OSBPL2: variants seen among roughly 807,000 people sequenced by gnomAD.
OSBPL2 encodes oxysterol-binding protein-related protein 2.
A neutral mutation model predicts 58.4 loss-of-function variants in OSBPL2; 18 were observed. That is an observed-to-expected ratio of 0.31 (90% CI 0.21 to 0.46). The LOEUF is 0.46. OSBPL2 is among the 20% of genes least tolerant of loss of function. The pLI, the probability that OSBPL2 is intolerant of heterozygous loss-of-function variation, is 1.00. For synonymous variants in OSBPL2, 221 were observed against 234.1 expected, an observed-to-expected ratio of 0.94 and a Z score of 0.51; for missense variants, 461 against 616.5, an observed-to-expected ratio of 0.75 and a Z score of 2.67.
In OSBPL2 at chr20:62,265,179, T is replaced by C. The variant is rs183950364; in HGVS notation, c.258+1488T>C. On this transcript the variant is annotated intron_variant, in intron 4 of 13. Coordinates refer to ENST00000313733, the MANE Select transcript of OSBPL2 (RefSeq NM_144498.4). ...TTCCATTCTCGTTCGTTCTTCTACC[T>C]TTATTAATTGGAATTGTTCTGTAAA... Among the ~76,000 whole-genome samples the C allele has an allele frequency of 3.3e-5, 5 of 152,306 alleles. No individual in the cohort carries two copies. The East Asian group carries it at 9.6e-4, about 29-fold the overall frequency.
chr20:62,291,377 C>T lies in OSBPL2; in HGVS notation c.1250-326C>T, dbSNP rs1049553539. On this transcript the variant is annotated intron_variant, in intron 12 of 13. Transcript: ENST00000313733. ...TGGCTCCCCGTCCTGAGCGCCTGCT[C>T]GCACACCAGGGCATTGGGTGGTGCC... 1.2e-4 allele frequency: 46 copies of T among 388,504 alleles called. 1 individual carries two copies. Among genetic ancestry groups the T allele is most frequent in the South Asian group, 7.1e-4 (34 of 47,854 alleles). 24.1% of individuals were successfully genotyped at this position (388,504 alleles called of 1,614,324 possible).
At chr20:62,275,292 CAT>C (rs1183972487) in intron 6 of OSBPL2, among the ~76,000 whole-genome samples, 1 of 152,176 alleles carries the variant, frequency 6.6e-6, no homozygotes, top group Non-Finnish European at 1.5e-5. Flanking sequence ...CCCTTTTTAA[CAT>C]GTCATAATTT....
intron 2 of OSBPL2, among the ~76,000 whole-genome samples, chr20:62,258,276 T>TG (rs1568832450): frequency 6.6e-6 from 1 of 152,236 alleles, no homozygotes; most frequent in African/African-American, 2.4e-5. Flanking sequence ...CATCTCTTTA[T>TG]GCGATGAAAT....
At chr20:62,264,143 G>C (rs980379802) in intron 4 of OSBPL2, among the ~76,000 whole-genome samples, 1 of 151,558 alleles carries the variant, frequency 6.6e-6, no homozygotes, top group East Asian at 1.9e-4. Flanking sequence ...AACAGGAAAA[G>C]AACAAGCAAG....
At chr20:62,287,159 T>C (rs993612325) in intron 11 of OSBPL2, among the ~76,000 whole-genome samples, 1 of 152,264 alleles carries the variant, frequency 6.6e-6, no homozygotes, top group African/African-American at 2.4e-5. Flanking sequence ...CCTTGTGATA[T>C]TTATTTTTGA....
At chr20:62,284,468 C>T (rs1982988768) in intron 10 of OSBPL2, 1 of 367,130 alleles carries the variant, frequency 2.7e-6, no homozygotes, top group Non-Finnish European at 5.1e-6. Context: ...CCTCCAGCTA[C>T]CAGGCTCAAG....
chr20:62,278,894 C>G, intron 6 of OSBPL2: 1 of 440,450 alleles, frequency 2.3e-6, no homozygotes, highest in Non-Finnish European at 4.0e-6. Flanking sequence ...CAACGTTAGG[C>G]CAAGTGCAAT....
At chr20:62,254,086 A>G (rs540696301) in intron 1 of OSBPL2, among the ~76,000 whole-genome samples, 1 of 152,158 alleles carries the variant, frequency 6.6e-6, no homozygotes, top group Admixed American at 6.5e-5. Context: ...GCGTGAGCCA[A>G]CACGCCCGGC....
At chr20:62,259,894 C>A in intron 2 of OSBPL2, 87 bp from the exon 3 acceptor site, 1 of 1,235,776 alleles carries the variant, frequency 8.1e-7, no homozygotes, top group Non-Finnish European at 1.2e-6. Flanking sequence ...CTGTAGTCAC[C>A]TGCTTGCATA....
intron 12 of OSBPL2, among the ~76,000 whole-genome samples, chr20:62,290,379 G>C (rs906867109): frequency 6.7e-6 from 1 of 149,194 alleles, no homozygotes; most frequent in Non-Finnish European, 1.5e-5. Context: ...GGGACTACAA[G>C]TGCATGCCAC....
At chr20:62,276,832 A>G (rs1309118050) in intron 6 of OSBPL2, among the ~76,000 whole-genome samples, 1 of 152,108 alleles carries the variant, frequency 6.6e-6, no homozygotes, top group Non-Finnish European at 1.5e-5. Flanking sequence ...TTTTCTAGAT[A>G]TTTCTCTTGA....
intron 1 of OSBPL2, among the ~76,000 whole-genome samples, chr20:62,239,916 G>A (rs1199070801): frequency 6.6e-6 from 1 of 152,154 alleles, no homozygotes; most frequent in Admixed American, 6.5e-5. Context: ...GCAGTGGTGC[G>A]ATCTTGACTC....
chr20:62,284,229 G>T, intron 10 of OSBPL2, 60 bp downstream of exon 10: 4 of 1,607,908 alleles, frequency 2.5e-6, no homozygotes, highest in Non-Finnish European at 2.6e-6. Flanking sequence ...CTGCCAGGCC[G>T]CTGCTGCCTT....
intron 11 of OSBPL2, 121 bp from the exon 12 acceptor site, chr20:62,289,085 AG>A (rs1983323519): frequency 9.5e-7 from 1 of 1,048,480 alleles, no homozygotes; most frequent in Admixed American, 2.3e-5. Flanking sequence ...GAGCGGAAGT[AG>A]GTTCCCATGG....
At chr20:62,264,974 T>C (rs1981573342) in intron 4 of OSBPL2, among the ~76,000 whole-genome samples, 1 of 152,226 alleles carries the variant, frequency 6.6e-6, no homozygotes, top group Admixed American at 6.5e-5. Context: ...TCTGAGGGGC[T>C]CTGTGATAGC....
intron 11 of OSBPL2, among the ~76,000 whole-genome samples, chr20:62,286,936 C>T (rs1468754181): frequency 6.6e-6 from 1 of 152,232 alleles, no homozygotes; most frequent in East Asian, 1.9e-4. Context: ...GCTGTTGGGG[C>T]TGGGCACCGC....
Position 62,269,501 on chromosome 20 carries a change from T to C in OSBPL2, c.259-2624T>C, listed in dbSNP as rs1319804780. 6.6e-6 allele frequency among the ~76,000 whole-genome samples: 1 copy of C among 151,912 alleles called. No homozygotes were observed. The highest frequency in any genetic ancestry group is 2.4e-5 in the African/African-American group (1 of 41,332). ...CCGGGGGGCTTTCCCTGGGTGGGAG[T>C]TGCACACAGTTGCGATACCATCTCT... On this transcript the variant is annotated intron_variant, in intron 4 of 13. Coordinates refer to ENST00000313733, the MANE Select transcript of OSBPL2 (RefSeq NM_144498.4). This position sits in a 1 kb window ranked among gnomAD's most constrained non-coding sequence, Gnocchi z 4.2.
rs1321378211 is a variant in OSBPL2 at position 62,249,096 on chromosome 20, C to T, written c.-128-6961C>T. Among the ~76,000 whole-genome samples the T allele has an allele frequency of 3.3e-5, 5 of 152,290 alleles. No homozygotes were observed. The East Asian group carries it at 5.8e-4, about 18-fold the overall frequency. The stretch of plus-strand genomic sequence containing the variant: ...TGAGATCCTGGTGGGACGGGGACAG[C>T]ACCTTTAAGAAAGTGTGCTGGGGTC... On this transcript the variant is annotated intron_variant, in intron 1 of 13. Coordinates refer to ENST00000313733, the MANE Select transcript of OSBPL2 (RefSeq NM_144498.4).
chr20:62,257,872 G>A (rs551619417), intron 2 of OSBPL2, among the ~76,000 whole-genome samples: 108 of 152,122 alleles, frequency 7.1e-4, no homozygotes, highest in African/African-American at 2.5e-3. Context: ...CCACCACCAC[G>A]CCTGGCTAAT....
Sources: gnomAD v4.1 joint callset for allele counts (sites outside exome capture counted in the v4.1 genomes callset) on GRCh38, gnomAD v4.1.1 for gene constraint, Gnocchi (gnomAD v3.1) non-coding constraint, MANE v1.5 for transcripts, NCBI Gene and HGNC (gene_info 2026-07-23, HGNC 2026-07-21) for gene names.